The following GRM8 variants were observed in gnomAD, a reference collection of about 807,000 sequenced individuals.
GRM8 encodes the protein glutamate metabotropic receptor 8.
GRM8 carries 47 observed loss-of-function variants against 87.2 expected under a neutral mutation model. That is an observed-to-expected ratio of 0.54 (90% CI 0.43 to 0.69). GRM8 has a LOEUF of 0.69. Ranked by LOEUF, GRM8 falls within the 30% of genes least tolerant of loss-of-function variation. The probability of loss-of-function intolerance (pLI) is 0.00; values close to 1 mark genes in which losing one functional copy is unlikely to be tolerated. For missense variants in GRM8, 1,019 were observed against 1,139.2 expected (o/e 0.89, Z 1.52); for synonymous variants, 396 against 404.5 (o/e 0.98, Z 0.25).
rs1280154784 is a variant in GRM8 at position 126,472,420 on chromosome 7, C to T, written c.2431-26048G>A. ...AAGGGTTGTTGAATTTTGTCAAAGG[C>T]CTTTTCTGCATCTAAGAAATTTCTA... is the stretch of plus-strand genomic sequence containing the variant. On this transcript the variant is annotated intron_variant, in intron 9 of 10. Coordinates refer to ENST00000339582, the MANE Select transcript of GRM8 (RefSeq NM_000845.3). 2.0e-5 allele frequency among the ~76,000 whole-genome samples: 3 copies of T among 151,964 alleles called. No homozygotes were observed. In the East Asian group the frequency reaches 5.8e-4, roughly 29 times the overall value.
chr7:126,655,267 G>A (rs1804383431), intron 7 of GRM8, among the ~76,000 whole-genome samples: 2 of 152,120 alleles, frequency 1.3e-5, no homozygotes, highest in African/African-American at 4.8e-5. Context: ...AGATCATCTG[G>A]TTGAGTTCCA....
chr7:126,635,666 A>G (rs1176396733), intron 7 of GRM8, among the ~76,000 whole-genome samples: 2 of 152,058 alleles, frequency 1.3e-5, no homozygotes, highest in African/African-American at 4.8e-5. Context: ...ACTCTGGTAC[A>G]TTACTGGAAT....
intron 3 of GRM8, among the ~76,000 whole-genome samples, chr7:126,935,869 C>A (rs566631974): frequency 6.6e-6 from 1 of 152,180 alleles, no homozygotes; most frequent in African/African-American, 2.4e-5. Flanking sequence ...CTAAATAAAC[C>A]TTGTTCCTCA....
At chr7:126,497,865 A>G (rs10229474) in intron 9 of GRM8, among the ~76,000 whole-genome samples, 6,038 of 152,048 alleles carry the variant, frequency 0.04, 381 homozygotes, top group African/African-American at 0.13. Context: ...ATCAGCCATG[A>G]AAGACAAGCA....
intron 3 of GRM8, among the ~76,000 whole-genome samples, chr7:127,004,529 C>A (rs1279883320): frequency 1.3e-5 from 2 of 151,514 alleles, no homozygotes; most frequent in Admixed American, 6.6e-5. Flanking sequence ...CAAAGCTTCA[C>A]CGATATTGAG....
At chr7:126,748,852 G>GTATAAATAC in intron 7 of GRM8, among the ~76,000 whole-genome samples, 1 of 152,078 alleles carries the variant, frequency 6.6e-6, no homozygotes, top group East Asian at 1.9e-4. Flanking sequence ...GTATTCAACT[G>GTATAAATAC]ATTTACAACA....
At chr7:126,686,183 T>C (rs2151351087) in intron 7 of GRM8, among the ~76,000 whole-genome samples, 1 of 152,172 alleles carries the variant, frequency 6.6e-6, no homozygotes, top group East Asian at 2.0e-4. Flanking sequence ...ATGCCCTGGC[T>C]ACAGAGAGGA....
intron 7 of GRM8, among the ~76,000 whole-genome samples, chr7:126,751,709 G>A (rs182120735): frequency 6.6e-6 from 1 of 152,248 alleles, no homozygotes; most frequent in Non-Finnish European, 1.5e-5. Context: ...TCATAAACTA[G>A]AACAGACAAT....
intron 2 of GRM8, among the ~76,000 whole-genome samples, chr7:127,194,816 G>A (rs948716427): frequency 6.6e-6 from 1 of 152,092 alleles, no homozygotes; most frequent in Admixed American, 6.6e-5. Context: ...CATTTTAAGA[G>A]ACTTTATATC....
chr7:126,452,415 G>T (rs540982094), intron 9 of GRM8, among the ~76,000 whole-genome samples: 16 of 139,088 alleles, frequency 1.2e-4, no homozygotes, highest in African/African-American at 4.1e-4. Flanking sequence ...CACACGTACC[G>T]TAAAACTTAA....
chr7:126,949,099 A>G (rs1217387942), intron 3 of GRM8, among the ~76,000 whole-genome samples: 1 of 152,264 alleles, frequency 6.6e-6, no homozygotes, highest in Admixed American at 6.5e-5. Flanking sequence ...ATTGAAAGAA[A>G]TTATGCAATT....
intron 9 of GRM8, among the ~76,000 whole-genome samples, chr7:126,497,036 T>C (rs2150672967): frequency 6.6e-6 from 1 of 151,408 alleles, no homozygotes; most frequent in East Asian, 2.0e-4. Flanking sequence ...GGCAATAATG[T>C]TATCATTGAG....
intron 6 of GRM8, among the ~76,000 whole-genome samples, chr7:126,884,876 A>G (rs532773655): frequency 3.9e-4 from 60 of 152,324 alleles, no homozygotes; most frequent in African/African-American, 1.4e-3. Context: ...ATGGTGCACT[A>G]TGGGCATACA....
At chr7:126,529,195 A>C (rs540192789) in intron 9 of GRM8, among the ~76,000 whole-genome samples, 3 of 152,310 alleles carry the variant, frequency 2.0e-5, no homozygotes, top group African/African-American at 7.2e-5. Context: ...AGAAAAAAAA[A>C]ATTGTTATAA....
chr7:127,213,911 C>T (rs1796366537), intron 2 of GRM8, among the ~76,000 whole-genome samples: 1 of 152,092 alleles, frequency 6.6e-6, no homozygotes, highest in Admixed American at 6.6e-5. Flanking sequence ...TAGGAATAAA[C>T]CCAACAGGAA....
intron 3 of GRM8, among the ~76,000 whole-genome samples, chr7:127,091,940 C>T (rs1472548205): frequency 9.0e-6 from 1 of 111,086 alleles, no homozygotes; most frequent in Non-Finnish European, 1.9e-5. Context: ...CCCGCCATCC[C>T]ACTGGTCATC....
intron 3 of GRM8, among the ~76,000 whole-genome samples, chr7:127,101,008 C>A (rs186434271): frequency 1.1e-4 from 16 of 152,276 alleles, no homozygotes; most frequent in Non-Finnish European, 2.1e-4. Context: ...TTCTTCTCCA[C>A]AAAGCTATGT....
At chr7:126,595,237 T>C (rs1366839486) in intron 8 of GRM8, among the ~76,000 whole-genome samples, 1 of 151,918 alleles carries the variant, frequency 6.6e-6, no homozygotes, top group African/African-American at 2.4e-5. Context: ...TTGTTCTTTT[T>C]GTTTTTGTTT....
intron 9 of GRM8, among the ~76,000 whole-genome samples, chr7:126,447,736 T>C (rs1802177154): frequency 6.6e-6 from 1 of 151,970 alleles, no homozygotes; most frequent in African/African-American, 2.4e-5. Context: ...GGTAAAGAAC[T>C]GTCCAAACCA....
Sources: allele counts gnomAD v4.1 joint callset (sites outside exome capture counted in the v4.1 genomes callset), GRCh38; gene constraint gnomAD v4.1.1; transcripts MANE v1.5; gene names NCBI Gene and HGNC (gene_info 2026-07-23, HGNC 2026-07-21).